Variants in MYLK4 observed in about 807,000 individuals in gnomAD.
The protein encoded by MYLK4 is myosin light chain kinase family member 4.
A neutral mutation model predicts 48.1 loss-of-function variants in MYLK4; 46 were observed. The ratio of observed to expected loss-of-function variants is 0.96; its 90% CI spans 0.75 to 1.22. The LOEUF is 1.22. Ranked by LOEUF, MYLK4 falls within the 50% of genes most tolerant of loss-of-function variation. The pLI is 0.00. For synonymous variants in MYLK4, 170 were observed against 180.8 expected, an observed-to-expected ratio of 0.94 and a Z score of 0.48; for missense variants, 451 against 486.1, an observed-to-expected ratio of 0.93 and a Z score of 0.68.
At chr6:2,695,245 C>G (rs556342286) in intron 2 of MYLK4, among the ~76,000 whole-genome samples, 14 of 152,270 alleles carry the variant, frequency 9.2e-5, no homozygotes, top group Admixed American at 7.8e-4. Flanking sequence ...AGACATTGTG[C>G]TTCTGGGTTT....
the MYLK4 span, chr6:2,765,342 C>T: frequency 3.7e-6 from 1 of 273,664 alleles, no homozygotes. Flanking sequence ...ACTACACTTA[C>T]TTACATGCCG....
intron 2 of MYLK4, among the ~76,000 whole-genome samples, chr6:2,719,063 G>A (rs1350102664): frequency 1.3e-5 from 2 of 152,146 alleles, no homozygotes; most frequent in Non-Finnish European, 2.9e-5. Flanking sequence ...GACCATATTA[G>A]CAAGGAATGA....
At chr6:2,669,233 T>G (rs1582018192) in intron 12 of MYLK4, among the ~76,000 whole-genome samples, 1 of 152,234 alleles carries the variant, frequency 6.6e-6, no homozygotes, top group Admixed American at 6.5e-5. Context: ...TCCATGGCTG[T>G]CAGCAGCCCT....
intron 3 of MYLK4, among the ~76,000 whole-genome samples, chr6:2,692,350 G>A (rs1728749826): frequency 6.6e-6 from 1 of 152,096 alleles, no homozygotes; most frequent in Non-Finnish European, 1.5e-5. Context: ...AGAGGCATTG[G>A]TCTTCTCAGC....
the MYLK4 span, among the ~76,000 whole-genome samples, chr6:2,762,688 T>A: frequency 6.6e-6 from 1 of 152,240 alleles, no homozygotes; most frequent in South Asian, 2.1e-4. Context: ...ACTTGATGAA[T>A]AAACGCATAG....
At chr6:2,766,238 G>A in the MYLK4 span, 8 of 1,477,928 alleles carry the variant, frequency 5.4e-6, no homozygotes, top group African/African-American at 2.8e-5. Context: ...CAGTGGCGGG[G>A]GCCGCCCGCA....
chr6:2,680,332 T>G (rs201425773), intron 7 of MYLK4, 41 bp from the exon 8 acceptor site: 1 of 1,612,108 alleles, frequency 6.2e-7, no homozygotes, highest in Non-Finnish European at 8.5e-7. Context: ...AAAACAACCA[T>G]CATTCACTCA....
At chr6:2,769,993 C>G in the MYLK4 span, 1 of 1,339,968 alleles carries the variant, frequency 7.5e-7, no homozygotes, top group South Asian at 1.4e-5. Flanking sequence ...GAATATAAGG[C>G]TGCTGCTATT....
the MYLK4 span, among the ~76,000 whole-genome samples, chr6:2,763,725 G>T: frequency 1.3e-5 from 2 of 152,232 alleles, no homozygotes; most frequent in East Asian, 3.8e-4. Context: ...ATAGTACAGC[G>T]GCAGGCTGAA....
chr6:2,686,098 G>GA (rs34229153), intron 4 of MYLK4, among the ~76,000 whole-genome samples: 33 of 114,830 alleles, frequency 2.9e-4, no homozygotes, highest in African/African-American at 6.8e-4. Context: ...AAGAAAGAAA[G>GA]AAAAAAAAAA....
chr6:2,759,248 G>C, the MYLK4 span, among the ~76,000 whole-genome samples: 5 of 152,096 alleles, frequency 3.3e-5, no homozygotes, highest in Non-Finnish European at 7.3e-5. Flanking sequence ...GACCACTGGT[G>C]CACAATACCA....
chr6:2,699,398 T>C lies in MYLK4; in HGVS notation c.160-6539A>G, dbSNP rs1762203107. Among the ~76,000 whole-genome samples, 2 of 144,506 alleles carry C rather than the reference T, an allele frequency of 1.4e-5. 1 individual carries two copies. Among genetic ancestry groups the C allele is most frequent in the South Asian group, 4.5e-4 (2 of 4,460 alleles). The allele number at this position is 144,506 out of a possible 152,430, so 94.8% of individuals were successfully genotyped here. A position where few individuals can be genotyped will look rare whatever the true frequency, so the allele number is the denominator to read the frequency against. Reference sequence around the variant, plus strand: ...CCTCCATCTCCCGAGTTCAAGCAATTCTCTGCCTCAGCTTCTCCAGTAGCT... The same window carrying C: ...CCTCCATCTCCCGAGTTCAAGCAATCCTCTGCCTCAGCTTCTCCAGTAGCT... On this transcript the variant is annotated intron_variant, in intron 2 of 12. Coordinates refer to ENST00000274643, the MANE Select transcript of MYLK4 (RefSeq NM_001012418.5).
intron 7 of MYLK4, 58 bp downstream of exon 7, chr6:2,682,963 G>A: frequency 6.3e-7 from 1 of 1,597,846 alleles, no homozygotes; most frequent in Non-Finnish European, 8.6e-7. Context: ...AGCAGACAGG[G>A]CCCACTGTGC....
At chr6:2,724,383 T>C (rs1394896964) in intron 2 of MYLK4, among the ~76,000 whole-genome samples, 2 of 152,116 alleles carry the variant, frequency 1.3e-5, no homozygotes, top group Non-Finnish European at 2.9e-5. Context: ...TTCAGATCTA[T>C]AGGAGCTATG....
chr6:2,724,610 G>T (rs1763188822), intron 2 of MYLK4, among the ~76,000 whole-genome samples: 1 of 152,154 alleles, frequency 6.6e-6, no homozygotes. Flanking sequence ...ATGATCAGTT[G>T]CTAAAAAGTC....
At chr6:2,768,565 C>A in the MYLK4 span, 1 of 653,108 alleles carries the variant, frequency 1.5e-6, no homozygotes, top group Admixed American at 3.5e-5. Context: ...TTCTGTGCTG[C>A]TCAGCATTCT....
chr6:2,692,608 C>G (rs1451819335), intron 3 of MYLK4, among the ~76,000 whole-genome samples, 176 bp downstream of exon 3: 3 of 117,804 alleles, frequency 2.5e-5, no homozygotes, highest in Admixed American at 1.2e-4. Flanking sequence ...TTGTTTGTAA[C>G]TAGTAAGACC....
At chr6:2,679,501 G>A (rs1298287138) in intron 8 of MYLK4, 93 bp from the exon 9 acceptor site, 3 of 1,452,572 alleles carry the variant, frequency 2.1e-6, no homozygotes, top group Non-Finnish European at 2.9e-6. Context: ...AATGACTTCA[G>A]CCATACAGCA....
chr6:2,743,959 G>T, intron 2 of MYLK4: 1 of 398,784 alleles, frequency 2.5e-6, no homozygotes. Context: ...ACCGGATCAA[G>T]CACCAGAGAA....
Sources: gnomAD v4.1 joint callset for allele counts (sites outside exome capture counted in the v4.1 genomes callset) on GRCh38, gnomAD v4.1.1 for gene constraint, MANE v1.5 for transcripts, NCBI Gene and HGNC (gene_info 2026-07-23, HGNC 2026-07-21) for gene names.